WDR7: variants seen among roughly 807,000 people sequenced by gnomAD.
WDR7 encodes WD repeat-containing protein 7.
WDR7 carries 46 observed loss-of-function variants against 169.4 expected under a neutral mutation model. The ratio of observed to expected loss-of-function variants is 0.27; its 90% CI spans 0.21 to 0.35. WDR7 has a LOEUF of 0.35. WDR7 is among the 10% of genes least tolerant of loss of function. WDR7 has a pLI of 1.00. For missense variants in WDR7, 1,534 were observed against 1,859.3 expected (o/e 0.83, Z 3.22); for synonymous variants, 612 against 666.8 (o/e 0.92, Z 1.27).
intron 12 of WDR7, among the ~76,000 whole-genome samples, chr18:56,705,376 C>G (rs2025925977): frequency 6.6e-6 from 1 of 151,268 alleles, no homozygotes; most frequent in Non-Finnish European, 1.5e-5. Flanking sequence ...TATGATAAAT[C>G]TTATGGAAAG....
chr18:56,711,751 T>G (rs1220829497), intron 12 of WDR7, among the ~76,000 whole-genome samples: 2 of 152,134 alleles, frequency 1.3e-5, no homozygotes, highest in Non-Finnish European at 2.9e-5. Flanking sequence ...AAAGGTCTAG[T>G]TTTGTGAAAG....
chr18:56,771,364 A>C (rs2044153386), intron 16 of WDR7, among the ~76,000 whole-genome samples: 1 of 152,140 alleles, frequency 6.6e-6, no homozygotes, highest in South Asian at 2.1e-4. Context: ...TGGCCTTCTT[A>C]ATAGTAACCC....
chr18:56,706,383 G>A (rs866999661), intron 12 of WDR7, among the ~76,000 whole-genome samples: 5 of 152,308 alleles, frequency 3.3e-5, no homozygotes, highest in Middle Eastern at 3.4e-3. Flanking sequence ...TAATGGAACC[G>A]TCAATTGGTC....
chr18:56,807,114 TG>T (rs2044786498), intron 19 of WDR7, among the ~76,000 whole-genome samples: 1 of 145,514 alleles, frequency 6.9e-6, no homozygotes, highest in Non-Finnish European at 1.5e-5. Flanking sequence ...TGTCACCACT[TG>T]ATGATGTAAC....
intron 14 of WDR7, among the ~76,000 whole-genome samples, chr18:56,736,816 G>A (rs568287052): frequency 6.6e-6 from 1 of 152,078 alleles, no homozygotes; most frequent in South Asian, 2.1e-4. Context: ...TAGCTTCAGT[G>A]TCTAGGGATT....
chr18:56,799,013 A>T (rs1043937173), intron 19 of WDR7, among the ~76,000 whole-genome samples: 1 of 152,178 alleles, frequency 6.6e-6, no homozygotes, highest in East Asian at 1.9e-4. Context: ...CCAAACAGCT[A>T]TAGGCTGGAG....
At chr18:56,714,510 T>C (rs2026150509) in intron 12 of WDR7, among the ~76,000 whole-genome samples, 3 of 150,866 alleles carry the variant, frequency 2.0e-5, no homozygotes, top group African/African-American at 7.3e-5. Context: ...AATGGTGCGA[T>C]CTCGGTTCAG....
chr18:57,003,550 T>C lies in WDR7; in HGVS notation c.4165-17195T>C, dbSNP rs114588085. Among the ~76,000 whole-genome samples the C allele has an allele frequency of 1.6e-3, 249 of 152,160 alleles. 2 individuals carry two copies. Among genetic ancestry groups the C allele is most frequent in the Middle Eastern group, 6.8e-3 (2 of 294 alleles). On this transcript the variant is annotated intron_variant, in intron 26 of 27. Transcript: ENST00000254442. ...AAATATAGAATGAACAAAACCATGT[T>C]GTTACTCAGGTTTTTGATCTCCATA...
At chr18:56,737,725 G>C (rs1455080487) in intron 14 of WDR7, among the ~76,000 whole-genome samples, 2 of 152,134 alleles carry the variant, frequency 1.3e-5, no homozygotes, top group African/African-American at 2.4e-5. Flanking sequence ...AAAAAAATTT[G>C]TACTGATTGA....
intron 26 of WDR7, among the ~76,000 whole-genome samples, chr18:56,966,345 A>C (rs891337472): frequency 2.0e-5 from 3 of 151,936 alleles, no homozygotes; most frequent in African/African-American, 7.3e-5. Flanking sequence ...GCCACCCCTG[A>C]GACAGCAAGA....
At chr18:56,879,477 T>C (rs1327347138) in intron 20 of WDR7, among the ~76,000 whole-genome samples, 1 of 152,242 alleles carries the variant, frequency 6.6e-6, no homozygotes, top group African/African-American at 2.4e-5. Flanking sequence ...TTTTATATAT[T>C]CTGGAAATAA....
At chr18:56,966,456 T>C (rs2047411194) in intron 26 of WDR7, among the ~76,000 whole-genome samples, 1 of 152,048 alleles carries the variant, frequency 6.6e-6, no homozygotes, top group Admixed American at 6.6e-5. Flanking sequence ...GAAGAGTAAA[T>C]AGATTTTCTC....
At chr18:56,905,568 C>G (rs899700078) in intron 21 of WDR7, among the ~76,000 whole-genome samples, 3 of 151,608 alleles carry the variant, frequency 2.0e-5, no homozygotes, top group Non-Finnish European at 4.4e-5. Context: ...CAAGGAAAAT[C>G]TTTTATATTT....
chr18:57,020,202 A>G (rs552086926), intron 26 of WDR7, among the ~76,000 whole-genome samples: 51 of 152,210 alleles, frequency 3.4e-4, no homozygotes, highest in Non-Finnish European at 6.8e-4. Flanking sequence ...GTGGATGTAT[A>G]TTTACTAATT....
At chr18:56,987,604 T>C (rs1315384995) in intron 26 of WDR7, among the ~76,000 whole-genome samples, 1 of 152,226 alleles carries the variant, frequency 6.6e-6, no homozygotes, top group Non-Finnish European at 1.5e-5. Context: ...TTTATAAAAA[T>C]AGAACAAAAG....
chr18:56,918,597 C>T (rs993019301), intron 21 of WDR7, among the ~76,000 whole-genome samples: 2 of 151,718 alleles, frequency 1.3e-5, no homozygotes, highest in African/African-American at 4.9e-5. Context: ...ATCACCTCAC[C>T]GAAATAGTAA....
At chr18:56,958,336 A>G (rs768933482) in intron 25 of WDR7, among the ~76,000 whole-genome samples, 1 of 152,192 alleles carries the variant, frequency 6.6e-6, no homozygotes, top group Non-Finnish European at 1.5e-5. Context: ...GTAATAGTTA[A>G]CAATGATTGA....
chr18:56,824,946 G>A (rs537889625), intron 20 of WDR7, among the ~76,000 whole-genome samples: 6 of 152,198 alleles, frequency 3.9e-5, no homozygotes, highest in African/African-American at 9.7e-5. Flanking sequence ...GGAATTGCAC[G>A]AGCAGAGAAC....
intron 20 of WDR7, among the ~76,000 whole-genome samples, chr18:56,865,865 A>G (rs914112796): frequency 1.3e-5 from 2 of 152,128 alleles, no homozygotes; most frequent in East Asian, 3.8e-4. Flanking sequence ...TTTTTTAGAT[A>G]GCTTTGTACT....
Sources: allele counts gnomAD v4.1 joint callset (sites outside exome capture counted in the v4.1 genomes callset), GRCh38; gene constraint gnomAD v4.1.1; transcripts MANE v1.5; gene names NCBI Gene and HGNC (gene_info 2026-07-23, HGNC 2026-07-21).